Variants in UBL3 observed in about 807,000 individuals in gnomAD.
UBL3 encodes ubiquitin like 3, also known as ubiquitin-like protein 3.
In UBL3, 6 loss-of-function variants were observed where a neutral mutation model predicts 18.4. The observed-to-expected ratio is 0.33, with a 90% confidence interval of 0.18 to 0.64. The LOEUF is 0.64. UBL3 is among the 30% of genes least tolerant of loss of function. The probability of loss-of-function intolerance (pLI) is 0.76; values close to 1 mark genes in which losing one functional copy is unlikely to be tolerated. For missense variants in UBL3, 109 were observed against 142.9 expected (o/e 0.76, Z 1.21); for synonymous variants, 49 against 46.6 (o/e 1.05, Z -0.21).
At chr13:29,794,730 T>C (rs915604678) in intron 1 of UBL3, among the ~76,000 whole-genome samples, 2 of 152,240 alleles carry the variant, frequency 1.3e-5, no homozygotes, top group African/African-American at 2.4e-5. Flanking sequence ...CCGATGTATC[T>C]TGCTCTAGTT....
chr13:29,818,890 C>G (rs182132612), intron 1 of UBL3, among the ~76,000 whole-genome samples: 1 of 152,260 alleles, frequency 6.6e-6, no homozygotes, highest in Admixed American at 6.5e-5. Context: ...TAAAAGATAG[C>G]AGCATCTTTA....
At chr13:29,788,922 G>A (rs1202286042) in intron 1 of UBL3, among the ~76,000 whole-genome samples, 3 of 145,580 alleles carry the variant, frequency 2.1e-5, no homozygotes, top group East Asian at 2.0e-4. Flanking sequence ...TGTTTGAGAC[G>A]GAGTTTTGCT....
chr13:29,829,410 C>A (rs900193087), intron 1 of UBL3, among the ~76,000 whole-genome samples: 1 of 151,590 alleles, frequency 6.6e-6, no homozygotes, highest in African/African-American at 2.4e-5. Context: ...CCCCCAGCCT[C>A]GCTGCTGCCT....
rs763576857 is a variant in UBL3, at chr13:29,849,557, C to A, written c.-19G>T. On this transcript the variant is annotated 5_prime_UTR_variant, in exon 1 of 5. Coordinates refer to ENST00000380680, the MANE Select transcript of UBL3 (RefSeq NM_007106.4). The stretch of plus-strand genomic sequence containing the variant: ...TGGACATCTTGCCGTTTGATATACA[C>A]CCAGATGTTTACGAAAAAAACAAAC... The A allele has an allele frequency of 1.9e-6, 3 of 1,613,562 alleles. No individual in the cohort carries two copies. In the African/African-American group the frequency reaches 4.0e-5, roughly 22 times the overall value.
At chr13:29,781,310 A>C (rs1435128878) in intron 1 of UBL3, among the ~76,000 whole-genome samples, 1 of 152,216 alleles carries the variant, frequency 6.6e-6, no homozygotes, top group Non-Finnish European at 1.5e-5. Context: ...GTCTTGAAGG[A>C]TATGTACCAA....
chr13:29,818,555 AT>A (rs746497349), intron 1 of UBL3, among the ~76,000 whole-genome samples: 4 of 152,186 alleles, frequency 2.6e-5, no homozygotes, highest in Non-Finnish European at 5.9e-5. Context: ...TTTAAGAACT[AT>A]TTTTAAATGT....
In UBL3 at chr13:29,798,058, C is replaced by T. The variant is rs1775719722; in HGVS notation, c.28-20795G>A. Among the ~76,000 whole-genome samples the T allele has an allele frequency of 2.7e-5, 4 of 150,792 alleles. 1 individual carries two copies. In the South Asian group the frequency reaches 8.4e-4, roughly 32 times the overall value. On this transcript the variant is annotated intron_variant, in intron 1 of 4. Transcript: ENST00000380680. ...TTTTTTTTGGAGACTGAGTCTTGCT[C>T]TGTTGTGCCCAGGCTAGAGTGCAGT...
At chr13:29,802,809 T>C (rs1016002221) in intron 1 of UBL3, among the ~76,000 whole-genome samples, 2 of 151,944 alleles carry the variant, frequency 1.3e-5, no homozygotes, top group African/African-American at 4.8e-5. Context: ...GGTTATGAAA[T>C]AAAGAGACTA....
At chr13:29,797,802 ACTTC>A (rs1481284245) in intron 1 of UBL3, among the ~76,000 whole-genome samples, 2 of 151,868 alleles carry the variant, frequency 1.3e-5, no homozygotes, top group Non-Finnish European at 2.9e-5. Flanking sequence ...AGTTATTAAT[ACTTC>A]CTTCCTTCTA....
intron 1 of UBL3, among the ~76,000 whole-genome samples, chr13:29,803,531 A>C (rs1877824744): frequency 6.6e-6 from 1 of 152,146 alleles, no homozygotes; most frequent in African/African-American, 2.4e-5. Context: ...CGCTGTCTCT[A>C]AGAGACTCAT....
intron 2 of UBL3, among the ~76,000 whole-genome samples, chr13:29,772,407 C>G (rs1876866889): frequency 6.6e-6 from 1 of 152,060 alleles, no homozygotes; most frequent in African/African-American, 2.4e-5. Flanking sequence ...TGCAAAAAGA[C>G]TCGTTTTGCT....
intron 3 of UBL3, among the ~76,000 whole-genome samples, chr13:29,768,554 G>C (rs1876751308): frequency 6.6e-6 from 1 of 152,010 alleles, no homozygotes; most frequent in Admixed American, 6.6e-5. Flanking sequence ...CTCCACTCCA[G>C]CTACCTGCTT....
chr13:29,839,330 T>C (rs1879035292), intron 1 of UBL3, among the ~76,000 whole-genome samples: 1 of 152,060 alleles, frequency 6.6e-6, no homozygotes, highest in South Asian at 2.1e-4. Flanking sequence ...AACAAAAATA[T>C]AGCTAGAAAA....
intron 2 of UBL3, among the ~76,000 whole-genome samples, chr13:29,774,405 C>G (rs1021804717): frequency 1.3e-5 from 2 of 151,766 alleles, no homozygotes; most frequent in African/African-American, 4.8e-5. Flanking sequence ...ACCGCTCCCC[C>G]CAAAAAAAAT....
intron 1 of UBL3, among the ~76,000 whole-genome samples, chr13:29,834,601 A>C (rs2761939): frequency 0.38 from 58,372 of 151,970 alleles, 11,396 homozygotes; most frequent in African/African-American, 0.47. Flanking sequence ...TAATGATAAA[A>C]AAATGTTAAA....
At chr13:29,835,106 AAATATATATATATAT>A (rs1878896007) in intron 1 of UBL3, among the ~76,000 whole-genome samples, 4 of 28,228 alleles carry the variant, frequency 1.4e-4, no homozygotes, top group African/African-American at 1.4e-3. Flanking sequence ...ATATATATAT[AAATATATATATATAT>A]ATAAATATAT....
chr13:29,767,273 A>G lies in UBL3; in HGVS notation c.336T>C (p.Asn112=). ...ACAGTGTTTACAGGATTACACAACAATTACTCTCTCCAGTCTTCTCACGAT... is the reference window on the plus strand; with the variant it reads ...ACAGTGTTTACAGGATTACACAACAGTTACTCTCTCCAGTCTTCTCACGAT... ...QRNREKTGES[N]CCVIL is the part of the protein sequence containing the mutation. The change falls in exon 5 of 5, where the codon AAT becomes AAC. Residue 112 remains asparagine, a synonymous_variant. Coordinates refer to ENST00000380680, the MANE Select transcript of UBL3 (RefSeq NM_007106.4). 1.2e-6 allele frequency: 2 copies of G among 1,613,230 alleles called. No individual in the cohort carries two copies. Among genetic ancestry groups the G allele is most frequent in the South Asian group, 1.1e-5 (1 of 91,052 alleles).
intron 1 of UBL3, among the ~76,000 whole-genome samples, chr13:29,818,289 C>A (rs1878334942): frequency 6.6e-6 from 1 of 152,168 alleles, no homozygotes. Flanking sequence ...CTATCACACA[C>A]ATCCTTTTCA....
chr13:29,780,092 C>T (rs1877107743), intron 1 of UBL3, among the ~76,000 whole-genome samples: 2 of 151,956 alleles, frequency 1.3e-5, no homozygotes, highest in South Asian at 2.1e-4. Context: ...CGGTGGCTCA[C>T]GCCTGTAATC....
Sources: allele counts gnomAD v4.1 joint callset (sites outside exome capture counted in the v4.1 genomes callset), GRCh38; gene constraint gnomAD v4.1.1; transcripts MANE v1.5; gene names NCBI Gene and HGNC (gene_info 2026-07-23, HGNC 2026-07-21).